Variants in SAMD5 observed in about 807,000 individuals in gnomAD.
SAMD5 encodes sterile alpha motif domain-containing protein 5.
Under a neutral mutation model 11.3 loss-of-function variants are expected in SAMD5, and 13 were observed. The observed-to-expected ratio is 1.15, with a 90% CI of 0.75 to 1.83. The LOEUF is 1.83. SAMD5 is among the 40% of genes most tolerant of loss of function. The pLI, the probability that SAMD5 is intolerant of heterozygous loss-of-function variation, is 0.00. For missense variants in SAMD5, 255 were observed against 239.1 expected (o/e 1.07, Z -0.44); for synonymous variants, 129 against 111.3 (o/e 1.16, Z -1.00).
chr6:147,566,575 A>G lies in SAMD5; in HGVS notation c.*2119A>G. 1 of 982,506 alleles carries G rather than the reference A, an allele frequency of 1.0e-6. No individual in the cohort carries two copies. 60.9% of individuals were successfully genotyped at this position (982,506 alleles called of 1,614,324 possible). On this transcript the variant is annotated 3_prime_UTR_variant, in exon 2 of 2. Transcript: ENST00000367474. ...GCAATGGAAAAAGGGTTCCTTGGTC[A>G]TTTCAAGTTTTATTTTCTATTAGAG...
At chr6:147,609,409 T>C (rs1789748708) in intron 1 of SAMD5, among the ~76,000 whole-genome samples, 1 of 152,208 alleles carries the variant, frequency 6.6e-6, no homozygotes, top group African/African-American at 2.4e-5. Context: ...CCTCCAGAAC[T>C]GTGAGACAAT....
the SAMD5 span, among the ~76,000 whole-genome samples, chr6:147,805,273 C>T: frequency 3.3e-5 from 5 of 152,178 alleles, no homozygotes; most frequent in Admixed American, 2.6e-4. Flanking sequence ...ATAGCAGCAG[C>T]TTGGAAGTGC....
chr6:147,908,357 T>G, the SAMD5 span, among the ~76,000 whole-genome samples: 1 of 152,200 alleles, frequency 6.6e-6, no homozygotes, highest in Non-Finnish European at 1.5e-5. Flanking sequence ...TGTGTGTGGA[T>G]GCAGGGCCTG....
At chr6:147,846,750 A>G in the SAMD5 span, among the ~76,000 whole-genome samples, 3 of 152,262 alleles carry the variant, frequency 2.0e-5, no homozygotes, top group East Asian at 5.8e-4. Flanking sequence ...AACCTGGGAG[A>G]CAGAGGTTGC....
At chr6:147,611,061 G>C (rs932610157) in intron 1 of SAMD5, among the ~76,000 whole-genome samples, 3 of 151,830 alleles carry the variant, frequency 2.0e-5, no homozygotes, top group Non-Finnish European at 2.9e-5. Context: ...GTAGAGGTGG[G>C]GTTTTTCACC....
At chr6:147,822,479 T>A in the SAMD5 span, among the ~76,000 whole-genome samples, 1 of 152,228 alleles carries the variant, frequency 6.6e-6, no homozygotes, top group Non-Finnish European at 1.5e-5. Context: ...CTATACCTGC[T>A]ATAAATTAAG....
At position 147,648,224 on chromosome 6, in the gene SAMD5, T is replaced by C. The variant is rs1790433070; in HGVS notation, c.163-89093T>C. Among the ~76,000 whole-genome samples the C allele has an allele frequency of 2.0e-5, 3 of 152,250 alleles. No homozygotes were observed. The East Asian group carries it at 5.8e-4, about 29-fold the overall frequency. ...ATGGCGAGGGAGGCCTCAGGAAACT[T>C]ACAGTCATGGCAGAAGGCAAAAGGA... On this transcript the variant is annotated intron_variant, in intron 1 of 1. Transcript: ENST00000566741.
intron 1 of SAMD5, among the ~76,000 whole-genome samples, chr6:147,631,393 C>T (rs937960922): frequency 1.3e-5 from 2 of 152,152 alleles, no homozygotes; most frequent in African/African-American, 4.8e-5. Context: ...CTATCCTTGA[C>T]AGAGTCCTCC....
At chr6:147,680,184 C>A (rs963560755) in intron 1 of SAMD5, among the ~76,000 whole-genome samples, 1 of 152,036 alleles carries the variant, frequency 6.6e-6, no homozygotes, top group Non-Finnish European at 1.5e-5. Context: ...ACTGTCTCTC[C>A]ATTTATTTCA....
At chr6:147,903,006 C>A in the SAMD5 span, among the ~76,000 whole-genome samples, 1 of 152,090 alleles carries the variant, frequency 6.6e-6, no homozygotes, top group African/African-American at 2.4e-5. Flanking sequence ...AATTCATTTG[C>A]CAGAAAAGAT....
chr6:147,799,198 G>A, the SAMD5 span, among the ~76,000 whole-genome samples: 4 of 151,840 alleles, frequency 2.6e-5, no homozygotes, highest in East Asian at 1.9e-4. Context: ...ATTTTGCAGC[G>A]GCTGGTACCA....
chr6:147,830,614 A>C, the SAMD5 span, among the ~76,000 whole-genome samples: 4 of 152,062 alleles, frequency 2.6e-5, no homozygotes, highest in Non-Finnish European at 4.4e-5. Flanking sequence ...AGATTGGTGA[A>C]CTTTGTTTAT....
At chr6:147,513,784 A>C (rs1464652711) in intron 1 of SAMD5, among the ~76,000 whole-genome samples, 1 of 152,196 alleles carries the variant, frequency 6.6e-6, no homozygotes, top group Non-Finnish European at 1.5e-5. Flanking sequence ...TCTGGAAGCC[A>C]CTGGAAGCAG....
At chr6:147,832,892 A>C in the SAMD5 span, among the ~76,000 whole-genome samples, 1 of 152,218 alleles carries the variant, frequency 6.6e-6, no homozygotes, top group Non-Finnish European at 1.5e-5. Context: ...GCTAGTCACT[A>C]AGCTCAACTT....
chr6:147,645,165 A>C (rs894634723), intron 1 of SAMD5, among the ~76,000 whole-genome samples: 1 of 152,204 alleles, frequency 6.6e-6, no homozygotes, highest in African/African-American at 2.4e-5. Context: ...CCCACACGAC[A>C]GGACATCTTA....
intron 1 of SAMD5, among the ~76,000 whole-genome samples, chr6:147,677,736 A>C (rs1479480162): frequency 1.3e-5 from 2 of 152,040 alleles, no homozygotes; most frequent in African/African-American, 4.8e-5. Context: ...TCGGCACTGT[A>C]AAGGGATGGG....
the SAMD5 span, among the ~76,000 whole-genome samples, chr6:147,897,943 TAAAAAAA>T: frequency 6.7e-5 from 6 of 89,636 alleles, no homozygotes; most frequent in African/African-American, 2.2e-4. Context: ...AGATTTTTCT[TAAAAAAA>T]AAAAAAAAAA....
At chr6:147,862,477 G>A in the SAMD5 span, among the ~76,000 whole-genome samples, 2 of 152,196 alleles carry the variant, frequency 1.3e-5, no homozygotes, top group African/African-American at 2.4e-5. Context: ...AAAAGACCCT[G>A]TAGGGGATGT....
intron 1 of SAMD5, among the ~76,000 whole-genome samples, chr6:147,653,718 T>G (rs1385122280): frequency 6.6e-6 from 1 of 152,248 alleles, no homozygotes; most frequent in Non-Finnish European, 1.5e-5. Context: ...CATTATTTAC[T>G]GATATTCCAT....
Sources: gnomAD v4.1 joint callset for allele counts (sites outside exome capture counted in the v4.1 genomes callset) on GRCh38, gnomAD v4.1.1 for gene constraint, MANE v1.5 for transcripts, NCBI Gene and HGNC (gene_info 2026-07-23, HGNC 2026-07-21) for gene names.